The following PIEZO1 variants were observed in gnomAD, a reference collection of about 807,000 sequenced individuals.
The protein encoded by PIEZO1 is piezo-type mechanosensitive ion channel component 1.
In PIEZO1, 296 loss-of-function variants were observed where a neutral mutation model predicts 297.2. That is an observed-to-expected ratio of 1.00 (90% CI 0.91 to 1.10). The LOEUF (loss-of-function observed/expected upper bound fraction) is 1.10, where lower values mean the gene tolerates loss of function less well. Among genes scored for constraint, PIEZO1 ranks in the 50% least tolerant of loss-of-function variants. The probability of loss-of-function intolerance (pLI) is 0.00; values close to 1 mark genes in which losing one functional copy is unlikely to be tolerated. For missense variants in PIEZO1, 5,018 were observed against 3,455.5 expected (o/e 1.45, Z -11.34); for synonymous variants, 2,427 against 1,507.5 (o/e 1.61, Z -14.13).
chr16:88,736,734 G>C lies in PIEZO1; in HGVS notation c.1201C>G (p.Pro401Ala). ...GCCTCCCTGGGCTCAGCCCGCTTGGGCCGCACTGCAGGTGGGGACAGCGGT... is the reference window on the plus strand; with the variant it reads ...GCCTCCCTGGGCTCAGCCCGCTTGGCCCGCACTGCAGGTGGGGACAGCGGT... Reference protein sequence around the residue: ...QSSVLRRPVRPKRAEPREASP... With the variant: ...QSSVLRRPVRAKRAEPREASP... Residue 401 changes from proline to alanine, a missense_variant, in exon 11 of 51, where the codon CCC becomes GCC. By Grantham distance (27) the Pro-to-Ala change is conservative. Transcript: ENST00000301015. 6.5e-7 allele frequency: 1 copy of C among 1,526,928 alleles called. No individual in the cohort carries two copies. Among genetic ancestry groups the C allele is most frequent in the Non-Finnish European group, 8.8e-7 (1 of 1,141,658 alleles). 94.6% of individuals were successfully genotyped at this position (1,526,928 alleles called of 1,614,324 possible). A position where few individuals can be genotyped will look rare whatever the true frequency, so the allele number is the denominator to read the frequency against.
chr16:88,742,983 C>T, intron 2 of PIEZO1: 2 of 447,932 alleles, frequency 4.5e-6, no homozygotes, highest in South Asian at 3.2e-5. Flanking sequence ...TGCATGGTAC[C>T]CAGTCCCCAT....
chr16:88,724,531 C>CAAA (rs374217979), intron 30 of PIEZO1, among the ~76,000 whole-genome samples: 2 of 99,466 alleles, frequency 2.0e-5, no homozygotes, highest in Non-Finnish European at 4.3e-5. Flanking sequence ...ACACCGTCTC[C>CAAA]AAAAAAAAAA....
At chr16:88,784,036 G>A (rs1908056384) in intron 1 of PIEZO1, among the ~76,000 whole-genome samples, 1 of 152,358 alleles carries the variant, frequency 6.6e-6, no homozygotes, top group East Asian at 1.9e-4. Context: ...CCCCCGGGCG[G>A]AGGGCGCGGA....
chr16:88,783,963 C>T (rs569496150), intron 1 of PIEZO1, among the ~76,000 whole-genome samples: 8 of 152,376 alleles, frequency 5.3e-5, no homozygotes, highest in African/African-American at 1.9e-4. Context: ...CAATGCAAAC[C>T]GTCCCACTTG....
At chr16:88,770,024 G>C (rs1170719838) in intron 1 of PIEZO1, among the ~76,000 whole-genome samples, 1 of 152,166 alleles carries the variant, frequency 6.6e-6, no homozygotes, top group Non-Finnish European at 1.5e-5. Flanking sequence ...CTCTGCCCCT[G>C]AGAGAGGAAG....
intron 27 of PIEZO1, 67 bp from the exon 28 acceptor site, chr16:88,725,751 C>G: frequency 1.2e-6 from 1 of 840,504 alleles, no homozygotes; most frequent in Non-Finnish European, 2.0e-6. Flanking sequence ...GCAGCCGCCG[C>G]TCCCCGCTCA....
chr16:88,752,637 G>A (rs978431415), intron 1 of PIEZO1, among the ~76,000 whole-genome samples: 3 of 152,132 alleles, frequency 2.0e-5, no homozygotes, highest in Non-Finnish European at 4.4e-5. Context: ...TGAGGGAGGG[G>A]CTGGAGCTGG....
At position 88,737,547 on chromosome 16, in the gene PIEZO1, T is replaced by G; in HGVS notation, c.1195+12A>C. Reference sequence around the variant, plus strand: ...CCGCACCCAGCCATACCTTGCAGTGTGCGGTACTCACCAGGCCGCCGCAGG... The same window carrying G: ...CCGCACCCAGCCATACCTTGCAGTGGGCGGTACTCACCAGGCCGCCGCAGG... On this transcript the variant is annotated intron_variant, in intron 10 of 50. Transcript: ENST00000301015. The G allele has an allele frequency of 3.3e-6, 5 of 1,515,820 alleles. No individual in the cohort carries two copies. Among genetic ancestry groups the G allele is most frequent in the East Asian group, 2.4e-5 (1 of 40,820 alleles). 93.9% of individuals were successfully genotyped at this position (1,515,820 alleles called of 1,614,324 possible).
In PIEZO1 at chr16:88,726,298, G is replaced by C; in HGVS notation, c.3954C>G (p.Ala1318=). 6.5e-7 allele frequency: 1 copy of C among 1,549,270 alleles called. No homozygotes were observed. Among genetic ancestry groups the C allele is most frequent in the Non-Finnish European group, 8.7e-7 (1 of 1,146,452 alleles). Residue 1318 remains alanine, a synonymous_variant, in exon 27 of 51, where the codon GCC becomes GCG. Coordinates refer to ENST00000301015, the MANE Select transcript of PIEZO1 (RefSeq NM_001142864.4). ...LHVRADLQAT[A]LLASRGFALY... ...CCCAAGCTTGCCTGGAGGCTAGCAG[G>C]GCGGTGGCCTGGAGGTCGGCCCTGA...
At chr16:88,771,599 C>T (rs1056842178) in intron 1 of PIEZO1, among the ~76,000 whole-genome samples, 2 of 152,204 alleles carry the variant, frequency 1.3e-5, no homozygotes, top group African/African-American at 2.4e-5. Context: ...CAGTGTCCAG[C>T]GGAGGTCCCA....
rs1912468604 is a variant in PIEZO1, at chr16:88,721,718, C to T, written c.5223G>A (p.Val1741=). ...CAAACTGGAACAGGTACTTGACGAC[C>T]ACCGCGATCTGTGGGGGAGGGGGCT... ...MTAIVFTEIA[V]VVKYLFQFGF... The change falls in exon 38 of 51, where the codon GTG becomes GTA. Residue 1741 remains valine, a synonymous_variant. Transcript: ENST00000301015. 1 of 1,541,964 alleles carries T rather than the reference C, an allele frequency of 6.5e-7. No homozygotes were observed. Among genetic ancestry groups the T allele is most frequent in the East Asian group, 2.5e-5 (1 of 40,782 alleles).
chr16:88,726,664 C>G (rs759981527), intron 25 of PIEZO1, 21 bp from the exon 26 acceptor site: 2 of 1,329,456 alleles, frequency 1.5e-6, no homozygotes, highest in South Asian at 1.2e-5. Context: ...GCAGGGTCAG[C>G]GGGGCCAGCG....
chr16:88,722,264 G>C lies in PIEZO1; in HGVS notation c.4909C>G (p.Leu1637Val), dbSNP rs1428952289. ...DPGEREAGAS[L>V]YQGLMRTASE... is the part of the protein sequence containing the mutation. ...GCCGTCCGCATCAGTCCCTGGTACAGAGAGGCACCAGCCTCACGCTCCCCG... is the reference window on the plus strand; with the variant it reads ...GCCGTCCGCATCAGTCCCTGGTACACAGAGGCACCAGCCTCACGCTCCCCG... Residue 1637 changes from leucine to valine, a missense_variant, in exon 36 of 51, where the codon CTG (leucine) becomes GTG (valine). Physicochemically the swap from Leu to Val is conservative, Grantham distance 32. Transcript: ENST00000301015. 4 of 1,548,506 alleles carry C rather than the reference G, an allele frequency of 2.6e-6. No individual in the cohort carries two copies. In the South Asian group the frequency reaches 3.6e-5, roughly 14 times the overall value.
rs1391613052 is a variant in PIEZO1 at position 88,784,922 on chromosome 16, G to C, written c.43C>G (p.Leu15Val). 2.1e-6 allele frequency: 3 copies of C among 1,436,556 alleles called. No individual in the cohort carries two copies. The highest frequency in any genetic ancestry group is 2.7e-6 in the Non-Finnish European group (3 of 1,093,032). 89.0% of individuals were successfully genotyped at this position (1,436,556 alleles called of 1,614,324 possible). The change falls in exon 1 of 51, where the codon CTG (leucine) becomes GTG (valine). Residue 15 changes from leucine (L) to valine (V), a missense_variant. Coordinates refer to ENST00000301015, the MANE Select transcript of PIEZO1 (RefSeq NM_001142864.4). ...VLGAVLYWLL[L>V]PCALLAACLL... ...TCACCAGCCAGCAGCGCGCAGGGCA[G>C]CAGCAGCCAGTACAGGACCGCGCCG... is the stretch of plus-strand genomic sequence containing the variant.
intron 44 of PIEZO1, chr16:88,717,679 A>G: frequency 2.3e-6 from 1 of 437,598 alleles, no homozygotes; most frequent in Non-Finnish European, 4.6e-6. Context: ...TGTGCTTCCA[A>G]AGACACCAAG....
At chr16:88,776,897 G>T (rs914133783) in intron 1 of PIEZO1, among the ~76,000 whole-genome samples, 30 of 152,344 alleles carry the variant, frequency 2.0e-4, no homozygotes, top group African/African-American at 6.3e-4. Flanking sequence ...CCCGGCAGGA[G>T]ATCTGGGCCC....
intron 1 of PIEZO1, among the ~76,000 whole-genome samples, chr16:88,763,093 C>A (rs993963815): frequency 1.3e-5 from 2 of 152,178 alleles, no homozygotes; most frequent in African/African-American, 2.4e-5. Context: ...AGGGGTAGAG[C>A]CAGAGACACC....
chr16:88,732,847 C>A (rs1904957237), intron 19 of PIEZO1, 115 bp from the exon 20 acceptor site: 1 of 1,099,710 alleles, frequency 9.1e-7, no homozygotes, highest in Admixed American at 2.9e-5. Context: ...CAGCCAGGGA[C>A]ACGGGGGCTG....
At chr16:88,742,195 A>G in intron 3 of PIEZO1, 100 bp from the exon 4 acceptor site, 2 of 1,504,436 alleles carry the variant, frequency 1.3e-6, no homozygotes, top group Non-Finnish European at 1.8e-6. Context: ...CAGGCCAGAC[A>G]TAAATCAGGC....
Sources: allele counts gnomAD v4.1 joint callset (sites outside exome capture counted in the v4.1 genomes callset), GRCh38; gene constraint gnomAD v4.1.1; transcripts MANE v1.5; gene names NCBI Gene and HGNC (gene_info 2026-07-23, HGNC 2026-07-21).